The following TBCD variants were observed in gnomAD, a reference collection of about 807,000 sequenced individuals.
TBCD encodes tubulin-specific chaperone D.
TBCD carries 105 observed loss-of-function variants against 169.3 expected under a neutral mutation model. The observed-to-expected ratio is 0.62, with a 90% confidence interval of 0.53 to 0.73. The LOEUF (loss-of-function observed/expected upper bound fraction) is 0.73, where lower values mean the gene tolerates loss of function less well. Ranked by LOEUF, TBCD falls within the 30% of genes least tolerant of loss-of-function variation. The probability of loss-of-function intolerance (pLI) is 0.00; values close to 1 mark genes in which losing one functional copy is unlikely to be tolerated. For synonymous variants in TBCD, 700 were observed against 643.9 expected, an observed-to-expected ratio of 1.09 and a Z score of -1.32; for missense variants, 1,444 against 1,600.1, an observed-to-expected ratio of 0.90 and a Z score of 1.66.
Position 82,920,480 on chromosome 17 carries a change from T to A in TBCD, c.2039-76T>A, listed in dbSNP as rs2061351268. On this transcript the variant is annotated intron_variant, in intron 23 of 38. Coordinates refer to ENST00000355528, the MANE Select transcript of TBCD (RefSeq NM_005993.5). This position sits in a 1 kb window ranked among gnomAD's most constrained non-coding sequence, Gnocchi z 4.1. The stretch of plus-strand genomic sequence containing the variant: ...AGCTGGCCGCACACAACTCAGAATG[T>A]GGCAAAGGCAAGCCGCTGTGGCAGG... 2 of 1,300,026 alleles carry A rather than the reference T, an allele frequency of 1.5e-6. No individual in the cohort carries two copies. Among genetic ancestry groups the A allele is most frequent in the African/African-American group, 1.5e-5 (1 of 66,372 alleles). 80.5% of individuals were successfully genotyped at this position (1,300,026 alleles called of 1,614,324 possible).
Position 82,906,050 on chromosome 17 carries a change from A to G in TBCD, c.1919A>G (p.Asn640Ser). The G allele has an allele frequency of 6.2e-7, 1 of 1,603,064 alleles. No individual in the cohort carries two copies. Among genetic ancestry groups the G allele is most frequent in the Non-Finnish European group, 8.5e-7 (1 of 1,174,554 alleles). ...TTGTACAAACTTGCAGCCCAAGAGAACAGGTAGGAAGAGTGGGTCTCGAGG... is the reference window on the plus strand; with the variant it reads ...TTGTACAAACTTGCAGCCCAAGAGAGCAGGTAGGAAGAGTGGGTCTCGAGG... ...YALYKLAAQENRPVTDHLDEQ... is the reference protein window; with the variant it reads ...YALYKLAAQESRPVTDHLDEQ... Residue 640 changes from asparagine (N) to serine (S), a missense_variant, in exon 20 of 39, where the codon AAC (asparagine) becomes AGC (serine). By Grantham distance (46) the Asn-to-Ser change is conservative (BLOSUM62 1). Transcript: ENST00000355528.
At chr17:82,836,273 C>G (rs527881510) in intron 13 of TBCD, among the ~76,000 whole-genome samples, 2 of 152,198 alleles carry the variant, frequency 1.3e-5, no homozygotes, top group Non-Finnish European at 2.9e-5. Context: ...CGGCATGCCT[C>G]GCCGCGCTCC....
intron 6 of TBCD, 91 bp downstream of exon 6, chr17:82,772,598 TCAGA>T (rs2048363156): frequency 7.4e-7 from 1 of 1,359,422 alleles, no homozygotes; most frequent in African/African-American, 1.4e-5. Flanking sequence ...TCTTCAGTCC[TCAGA>T]CGAAGGACCC....
intron 30 of TBCD, among the ~76,000 whole-genome samples, chr17:82,928,375 T>G (rs2061931476): frequency 6.6e-6 from 1 of 152,184 alleles, no homozygotes; most frequent in African/African-American, 2.4e-5. Flanking sequence ...GAGCCATCAC[T>G]CAGTTCCCTG....
At chr17:82,865,147 T>G (rs2057073277) in intron 13 of TBCD, among the ~76,000 whole-genome samples, 1 of 150,722 alleles carries the variant, frequency 6.6e-6, no homozygotes. Flanking sequence ...TCTTACCTCC[T>G]AGCAAATTCA....
chr17:82,908,381 CAG>C (rs1201712424), intron 21 of TBCD: 4 of 456,340 alleles, frequency 8.8e-6, no homozygotes, highest in Non-Finnish European at 1.8e-5. Context: ...TCTGGGGAGA[CAG>C]TGTGTTCATC....
At chr17:82,917,504 G>T (rs1259147963) in intron 23 of TBCD, among the ~76,000 whole-genome samples, 1 of 152,146 alleles carries the variant, frequency 6.6e-6, no homozygotes, top group Non-Finnish European at 1.5e-5. Context: ...CTGAAGGACG[G>T]TATATCATAC....
chr17:82,757,445 AC>A (rs2047462903), intron 2 of TBCD, among the ~76,000 whole-genome samples: 1 of 151,606 alleles, frequency 6.6e-6, no homozygotes. Flanking sequence ...ACACGATGAA[AC>A]CCTGTCTCTA....
intron 13 of TBCD, among the ~76,000 whole-genome samples, chr17:82,847,411 A>G (rs894580726): frequency 1.3e-5 from 2 of 151,452 alleles, no homozygotes; most frequent in Non-Finnish European, 2.9e-5. Context: ...GTGGGGTTTT[A>G]CTGACTGTGT....
chr17:82,780,003 C>G (rs1328856028), intron 6 of TBCD, among the ~76,000 whole-genome samples: 1 of 152,166 alleles, frequency 6.6e-6, no homozygotes, highest in African/African-American at 2.4e-5. Flanking sequence ...TTCCCCCCAC[C>G]CCATAAAGGT....
At chr17:82,887,490 C>T (rs181988395) in intron 15 of TBCD, among the ~76,000 whole-genome samples, 33 of 152,262 alleles carry the variant, frequency 2.2e-4, no homozygotes, top group Non-Finnish European at 3.1e-4. Flanking sequence ...TGGTTTGCTG[C>T]TTCTGTTGCT....
intron 3 of TBCD, 138 bp from the exon 4 acceptor site, chr17:82,766,129 T>G (rs1374637753): frequency 4.3e-6 from 3 of 691,296 alleles, no homozygotes; most frequent in Non-Finnish European, 7.4e-6. Flanking sequence ...CTTACTAAAT[T>G]GTGTCACTGT....
At chr17:82,866,918 C>G (rs2145899195) in intron 13 of TBCD, among the ~76,000 whole-genome samples, 1 of 152,306 alleles carries the variant, frequency 6.6e-6, no homozygotes. Flanking sequence ...GGCTGGACCT[C>G]CTAGGCCATC....
chr17:82,812,944 G>A (rs1297422592), intron 12 of TBCD, among the ~76,000 whole-genome samples: 2 of 152,076 alleles, frequency 1.3e-5, no homozygotes, highest in Non-Finnish European at 2.9e-5. Context: ...CTCAGCCTCC[G>A]AGTAGCTAGG....
chr17:82,776,281 G>A (rs1214866620), intron 6 of TBCD, among the ~76,000 whole-genome samples: 1 of 152,002 alleles, frequency 6.6e-6, no homozygotes, highest in African/African-American at 2.4e-5. Flanking sequence ...GTGGTGGCAC[G>A]CACCTGTGGT....
intron 13 of TBCD, among the ~76,000 whole-genome samples, chr17:82,860,713 T>G (rs1311569225): frequency 6.6e-6 from 1 of 152,094 alleles, no homozygotes; most frequent in Admixed American, 6.5e-5. Context: ...GCACCATGGG[T>G]CTCCCTGGAC....
chr17:82,772,795 G>A (rs1156383023), intron 6 of TBCD, among the ~76,000 whole-genome samples: 5 of 152,182 alleles, frequency 3.3e-5, no homozygotes, highest in Admixed American at 2.0e-4. Context: ...TCCCTGGGGT[G>A]CAGCCCCTGC....
rs1567887886 is a variant in TBCD at position 82,850,161 on chromosome 17, T to TGTTGGCTGTGCTGC, written c.1319-20063_1319-20062insGTTGGCTGTGCTGC. Among the ~76,000 whole-genome samples the TGTTGGCTGTGCTGC allele has an allele frequency of 1.2e-3, 23 of 18,952 alleles. 7 individuals are homozygous for TGTTGGCTGTGCTGC. The highest frequency in any genetic ancestry group is 5.0e-3 in the Admixed American group (9 of 1,808). 12.4% of individuals were successfully genotyped at this position (18,952 alleles called of 152,430 possible). A position where few individuals can be genotyped will look rare whatever the true frequency, so the allele number is the denominator to read the frequency against. On this transcript the variant is annotated intron_variant, in intron 13 of 38. Coordinates refer to ENST00000355528, the MANE Select transcript of TBCD (RefSeq NM_005993.5). ...GGCTGTGCTGTTGTTGGCTGTGCTG[T>TGTTGGCTGTGCTGC]TGTTGCCTGTGCTGCTGTTGGCTGT...
intron 13 of TBCD, chr17:82,838,684 G>T (rs1289404400): frequency 2.0e-6 from 2 of 985,292 alleles, no homozygotes; most frequent in Non-Finnish European, 2.4e-6. Flanking sequence ...CAGCCTTTCG[G>T]TTCTTTAAAA....
Sources: allele counts gnomAD v4.1 joint callset (sites outside exome capture counted in the v4.1 genomes callset), GRCh38; gene constraint gnomAD v4.1.1; non-coding constraint Gnocchi (gnomAD v3.1); transcripts MANE v1.5; gene names NCBI Gene and HGNC (gene_info 2026-07-23, HGNC 2026-07-21).